Variants in RNF144A observed in about 807,000 individuals in gnomAD.
The protein encoded by RNF144A is ring finger protein 144A.
In RNF144A, 11 loss-of-function variants were observed where a neutral mutation model predicts 38.7. The observed-to-expected ratio is 0.28, with a 90% confidence interval of 0.18 to 0.47. The LOEUF (loss-of-function observed/expected upper bound fraction) is 0.47. Among genes scored for constraint, RNF144A ranks in the 20% least tolerant of loss-of-function variants. The probability of loss-of-function intolerance (pLI) is 0.99; values close to 1 mark genes in which losing one functional copy is unlikely to be tolerated. For missense variants in RNF144A, 316 were observed against 377.2 expected (o/e 0.84, Z 1.34); for synonymous variants, 149 against 143.9 (o/e 1.04, Z -0.25).
At chr2:6,956,806 T>C (rs1667029849) in intron 2 of RNF144A, among the ~76,000 whole-genome samples, 1 of 152,172 alleles carries the variant, frequency 6.6e-6, no homozygotes, top group African/African-American at 2.4e-5. Context: ...TTTCAGCAAA[T>C]ACATATGCTA....
intron 2 of RNF144A, among the ~76,000 whole-genome samples, chr2:6,968,023 G>A (rs1366475195): frequency 6.6e-6 from 1 of 152,142 alleles, no homozygotes; most frequent in Non-Finnish European, 1.5e-5. Context: ...GATATCTATG[G>A]AGTAGGGGAA....
chr2:6,931,889 C>T (rs1665229091), intron 1 of RNF144A, among the ~76,000 whole-genome samples: 1 of 152,064 alleles, frequency 6.6e-6, no homozygotes, highest in Non-Finnish European at 1.5e-5. Context: ...AATGTGTATT[C>T]TGCTATTGTT....
At chr2:6,964,033 A>C (rs2103334571) in intron 2 of RNF144A, among the ~76,000 whole-genome samples, 1 of 152,278 alleles carries the variant, frequency 6.6e-6, no homozygotes. Context: ...ATGAGGTTAA[A>C]GAAAAACTGT....
At chr2:6,929,175 A>G (rs1665061972) in intron 1 of RNF144A, among the ~76,000 whole-genome samples, 1 of 152,256 alleles carries the variant, frequency 6.6e-6, no homozygotes, top group Admixed American at 6.5e-5. Flanking sequence ...TTGAAACGCC[A>G]TGCATAGTTA....
intron 2 of RNF144A, among the ~76,000 whole-genome samples, chr2:6,987,061 G>A (rs893273756): frequency 6.6e-6 from 1 of 152,144 alleles, no homozygotes; most frequent in African/African-American, 2.4e-5. Context: ...ACGCGTGGCT[G>A]TGTCTGGGTC....
chr2:6,964,242 G>A (rs1667512817), intron 2 of RNF144A, among the ~76,000 whole-genome samples: 1 of 152,172 alleles, frequency 6.6e-6, no homozygotes, highest in Admixed American at 6.5e-5. Context: ...CTGGCCATCA[G>A]AGAAATGCAA....
In RNF144A at chr2:6,941,863, G is replaced by A. The variant is rs987654133; in HGVS notation, c.-12+716G>A. 1.3e-5 allele frequency among the ~76,000 whole-genome samples: 2 copies of A among 152,240 alleles called. No individual in the cohort carries two copies. The highest frequency in any genetic ancestry group is 2.9e-5 in the Non-Finnish European group (2 of 68,046). ...TACGGACAGCTGGAGGAGCACCCAG[G>A]CCAGCCTGGCTGGAAGGACTCAGCA... On this transcript the variant is annotated intron_variant, in intron 2 of 8. Coordinates refer to ENST00000320892, the MANE Select transcript of RNF144A (RefSeq NM_014746.6). The surrounding 1 kb of genome is among the most constrained non-coding windows in gnomAD (Gnocchi z 6.5).
intron 2 of RNF144A, 39 bp from the exon 3 acceptor site, chr2:6,996,877 G>A (rs1173735362): frequency 2.5e-6 from 4 of 1,599,176 alleles, no homozygotes; most frequent in East Asian, 4.5e-5. Context: ...GGATGCCAGG[G>A]GTGGGGAGGT....
chr2:6,929,848 G>A (rs1294056628), intron 1 of RNF144A, among the ~76,000 whole-genome samples: 1 of 152,288 alleles, frequency 6.6e-6, no homozygotes, highest in African/African-American at 2.4e-5. Flanking sequence ...GCATGGAATT[G>A]TTATTTAAAA....
rs371860415 is a variant in RNF144A at position 7,009,235 on chromosome 2, G to A, written c.136-5219G>A. 4.6e-5 allele frequency among the ~76,000 whole-genome samples: 7 copies of A among 152,330 alleles called. No homozygotes were observed. The South Asian group carries it at 6.2e-4, about 14-fold the overall frequency. Reference sequence around the variant, plus strand: ...GGGGTAAGAAGAACTAGTATTTGCCGGGGCCTTACTTTATATAGGGCAAAA... The same window carrying A: ...GGGGTAAGAAGAACTAGTATTTGCCAGGGCCTTACTTTATATAGGGCAAAA... On this transcript the variant is annotated intron_variant, in intron 3 of 8. Transcript: ENST00000320892.
chr2:6,991,906 T>C (rs1669408513), intron 2 of RNF144A, among the ~76,000 whole-genome samples: 1 of 152,230 alleles, frequency 6.6e-6, no homozygotes. Flanking sequence ...ACATAGTTCC[T>C]ACCCTTGAAT....
chr2:7,052,832 C>G (rs891783958), intron 6 of RNF144A, among the ~76,000 whole-genome samples: 2 of 115,016 alleles, frequency 1.7e-5, no homozygotes, highest in East Asian at 6.6e-4. Flanking sequence ...AGGAGCCCCC[C>G]TTTCCAACAC....
intron 2 of RNF144A, 107 bp from the exon 3 acceptor site, chr2:6,996,809 A>G (rs775636474): frequency 1.8e-5 from 20 of 1,135,696 alleles, no homozygotes; most frequent in Non-Finnish European, 2.3e-5. Context: ...ATCAGCAGTC[A>G]GTTGGCCACC....
intron 2 of RNF144A, among the ~76,000 whole-genome samples, chr2:6,956,003 T>C (rs1666973555): frequency 1.3e-5 from 2 of 152,168 alleles, no homozygotes; most frequent in African/African-American, 4.8e-5. Context: ...TCAGAGTGAG[T>C]ACAAAATCCG....
Position 6,996,807 on chromosome 2 carries a change from T to C in RNF144A, c.-11-109T>C, listed in dbSNP as rs1466347490. 3.6e-6 allele frequency: 4 copies of C among 1,102,726 alleles called. No individual in the cohort carries two copies. In the East Asian group the frequency reaches 7.5e-5, roughly 21 times the overall value. 68.3% of individuals were successfully genotyped at this position (1,102,726 alleles called of 1,614,324 possible). On this transcript the variant is annotated intron_variant, in intron 2 of 8. Transcript: ENST00000320892. ...CAGATGCTCTAGGCTCCATCAGCAG[T>C]CAGTTGGCCACCTCCCTGGGTCCCA...
chr2:6,994,806 C>T (rs1669615115), intron 2 of RNF144A, among the ~76,000 whole-genome samples: 1 of 152,216 alleles, frequency 6.6e-6, no homozygotes, highest in South Asian at 2.1e-4. Flanking sequence ...TTGGAAGAGG[C>T]CCCTCCAGCT....
At chr2:6,975,292 G>T (rs968989446) in intron 2 of RNF144A, among the ~76,000 whole-genome samples, 9 of 152,082 alleles carry the variant, frequency 5.9e-5, no homozygotes, top group African/African-American at 1.7e-4. Flanking sequence ...CACAAGAACA[G>T]CACGGGAAAG....
downstream of RNF144A, among the ~76,000 whole-genome samples, chr2:7,069,908 T>TC (rs1674395487): frequency 2.6e-5 from 4 of 152,366 alleles, no homozygotes; most frequent in East Asian, 5.8e-4. Context: ...CAATGTGTTG[T>TC]CAACAGCTCT....
chr2:7,020,371 G>C, intron 5 of RNF144A, 102 bp from the exon 6 acceptor site: 1 of 1,008,512 alleles, frequency 9.9e-7, no homozygotes, highest in Non-Finnish European at 1.5e-6. Context: ...GTATTACCTG[G>C]ACATGTTCCT....
Sources: gnomAD v4.1 joint callset for allele counts (sites outside exome capture counted in the v4.1 genomes callset) on GRCh38, gnomAD v4.1.1 for gene constraint, Gnocchi (gnomAD v3.1) non-coding constraint, MANE v1.5 for transcripts, NCBI Gene and HGNC (gene_info 2026-07-23, HGNC 2026-07-21) for gene names.